Variants in SLC38A9 observed in about 807,000 individuals in gnomAD.
The protein encoded by SLC38A9 is neutral amino acid transporter 9.
SLC38A9 carries 48 observed loss-of-function variants against 62.3 expected under a neutral mutation model. The observed-to-expected ratio is 0.77, with a 90% CI of 0.61 to 0.98. The LOEUF is 0.98. SLC38A9 is among the 50% of genes least tolerant of loss of function. The pLI is 0.00. For synonymous variants in SLC38A9, 204 were observed against 227.7 expected (o/e 0.90, Z 0.94); for missense variants, 541 against 679.8 (o/e 0.80, Z 2.27).
intron 3 of SLC38A9, among the ~76,000 whole-genome samples, chr5:55,695,554 G>T (rs1309604030): frequency 9.6e-6 from 1 of 104,232 alleles, no homozygotes; most frequent in Non-Finnish European, 2.2e-5. Context: ...AGTGGACACA[G>T]CACATGTTTC....
intron 8 of SLC38A9, among the ~76,000 whole-genome samples, chr5:55,663,366 T>C (rs1481766202): frequency 2.7e-5 from 4 of 149,864 alleles, no homozygotes; most frequent in Admixed American, 1.3e-4. Context: ...CAAAAACTCA[T>C]TAGTCAGTAT....
chr5:55,663,353 A>T (rs1201601355), intron 8 of SLC38A9, among the ~76,000 whole-genome samples: 1 of 151,684 alleles, frequency 6.6e-6, no homozygotes, highest in Non-Finnish European at 1.5e-5. Flanking sequence ...ACAAAATGAG[A>T]CACAAAAACT....
chr5:55,627,123 G>A (rs1320382253), intron 15 of SLC38A9, among the ~76,000 whole-genome samples: 1 of 152,158 alleles, frequency 6.6e-6, no homozygotes, highest in African/African-American at 2.4e-5. Flanking sequence ...ACATGAGACT[G>A]TGACAGAGAA....
At chr5:55,669,196 C>A in intron 7 of SLC38A9, 32 bp downstream of exon 7, 1 of 1,503,182 alleles carries the variant, frequency 6.7e-7, no homozygotes, top group Non-Finnish European at 9.2e-7. Context: ...TATTAATACC[C>A]ATAATCTATT....
intron 9 of SLC38A9, among the ~76,000 whole-genome samples, chr5:55,654,168 G>T (rs1056739020): frequency 6.6e-6 from 1 of 152,186 alleles, no homozygotes; most frequent in Admixed American, 6.5e-5. Flanking sequence ...TTCATTGTCA[G>T]TTCTATTTTT....
At chr5:55,650,175 C>A (rs1233960763) in intron 10 of SLC38A9, among the ~76,000 whole-genome samples, 1 of 151,960 alleles carries the variant, frequency 6.6e-6, no homozygotes, top group African/African-American at 2.4e-5. Flanking sequence ...GACTGGGTAG[C>A]ACTACTTGCT....
chr5:55,669,670 A>G (rs1455322761), intron 5 of SLC38A9, 50 bp from the exon 6 acceptor site: 3 of 1,590,868 alleles, frequency 1.9e-6, no homozygotes, highest in Non-Finnish European at 2.6e-6. Context: ...CACTCTTCAA[A>G]CATTTTAATT....
rs533597325 is a variant in SLC38A9 at position 55,706,742 on chromosome 5, C to T, written c.-35+4710G>A. ...AAGAAAACTGGTAATTTGCAGTTGT[C>T]TCAATTAGTCAATTAGCATGATGTT... On this transcript the variant is annotated intron_variant, in intron 2 of 15. Coordinates refer to ENST00000396865, the MANE Select transcript of SLC38A9 (RefSeq NM_173514.4). Among the ~76,000 whole-genome samples the T allele has an allele frequency of 1.5e-3, 230 of 152,234 alleles. No individual in the cohort carries two copies. In the Middle Eastern group the frequency reaches 0.017, roughly 11 times the overall value.
chr5:55,634,735 C>G (rs768420219), intron 13 of SLC38A9: 8 of 152,220 alleles, frequency 5.3e-5, no homozygotes, highest in Non-Finnish European at 1.2e-4. Flanking sequence ...CATTATTTTG[C>G]TGAAATAACC....
intron 2 of SLC38A9, among the ~76,000 whole-genome samples, chr5:55,702,347 G>A (rs553017335): frequency 1.9e-4 from 29 of 151,372 alleles, no homozygotes; most frequent in Admixed American, 1.6e-3. Flanking sequence ...CTGCAGCCGC[G>A]ACCTCTTGGG....
chr5:55,661,311 G>C (rs539560481), intron 8 of SLC38A9, among the ~76,000 whole-genome samples: 1 of 152,086 alleles, frequency 6.6e-6, no homozygotes, highest in Admixed American at 6.6e-5. Context: ...CAGGCATGGT[G>C]GTGGGCGCCT....
chr5:55,653,961 CG>C (rs1747970140), intron 9 of SLC38A9, among the ~76,000 whole-genome samples: 1 of 152,086 alleles, frequency 6.6e-6, no homozygotes, highest in African/African-American at 2.4e-5. Flanking sequence ...TGGGCCTAAA[CG>C]TATGTTTCTT....
At chr5:55,649,518 T>C (rs190405308) in intron 10 of SLC38A9, among the ~76,000 whole-genome samples, 1 of 151,994 alleles carries the variant, frequency 6.6e-6, no homozygotes, top group Non-Finnish European at 1.5e-5. Context: ...CTCTATGTAG[T>C]AGGCCTAAGA....
intron 2 of SLC38A9, among the ~76,000 whole-genome samples, chr5:55,703,760 G>A (rs1182360293): frequency 6.6e-6 from 1 of 152,136 alleles, no homozygotes; most frequent in African/African-American, 2.4e-5. Flanking sequence ...ATGAAGTTAG[G>A]ATTGATAGAA....
intron 14 of SLC38A9, among the ~76,000 whole-genome samples, chr5:55,630,143 A>C (rs1743174311): frequency 6.6e-6 from 1 of 152,344 alleles, no homozygotes; most frequent in Middle Eastern, 3.4e-3. Flanking sequence ...AAAAGCTATT[A>C]AAAGTACTCC....
chr5:55,631,112 G>T (rs775288544), intron 14 of SLC38A9, among the ~76,000 whole-genome samples: 3 of 152,056 alleles, frequency 2.0e-5, no homozygotes, highest in Admixed American at 2.0e-4. Flanking sequence ...CAGCCTGGGC[G>T]ACAAGAGTGA....
chr5:55,639,889 T>C (rs932579188), intron 12 of SLC38A9, among the ~76,000 whole-genome samples: 1 of 150,812 alleles, frequency 6.6e-6, no homozygotes, highest in Non-Finnish European at 1.5e-5. Context: ...GAAGTTAACA[T>C]GAAGTACAAC....
rs552384458 is a variant in SLC38A9 at position 55,644,810 on chromosome 5, G to A, written c.1167+979C>T. Among the ~76,000 whole-genome samples the A allele has an allele frequency of 1.3e-3, 199 of 152,118 alleles. 1 individual carries two copies. The highest frequency in any genetic ancestry group is 0.01 in the Middle Eastern group (3 of 294). On this transcript the variant is annotated intron_variant, in intron 12 of 15. Coordinates refer to ENST00000396865, the MANE Select transcript of SLC38A9 (RefSeq NM_173514.4). ...TATACATGTGCCATGCTGGTGTGCT[G>A]CACCCATTAACTCATCATTTAGCAT...
chr5:55,635,808 G>A, intron 12 of SLC38A9, 151 bp from the exon 13 acceptor site: 6 of 588,692 alleles, frequency 1.0e-5, no homozygotes, highest in Non-Finnish European at 1.8e-5. Flanking sequence ...TTTGTTCACA[G>A]AAAGTAGTTA....
Sources: gnomAD v4.1 joint callset for allele counts (sites outside exome capture counted in the v4.1 genomes callset) on GRCh38, gnomAD v4.1.1 for gene constraint, MANE v1.5 for transcripts, NCBI Gene and HGNC (gene_info 2026-07-23, HGNC 2026-07-21) for gene names.